The following C8orf34 variants were observed in gnomAD, a reference collection of about 807,000 sequenced individuals.
The protein encoded by C8orf34 is chromosome 8 open reading frame 34, also known as uncharacterized protein C8orf34.
In C8orf34, 65 loss-of-function variants were observed where a neutral mutation model predicts 68.3. The ratio of observed to expected loss-of-function variants is 0.95; its 90% CI spans 0.78 to 1.17. C8orf34 has a LOEUF of 1.17. C8orf34 is among the 50% of genes most tolerant of loss of function. The pLI, the probability that C8orf34 is intolerant of heterozygous loss-of-function variation, is 0.00. For synonymous variants in C8orf34, 244 were observed against 241.2 expected (o/e 1.01, Z -0.11); for missense variants, 664 against 655.4 (o/e 1.01, Z -0.14).
At chr8:68,717,255 T>C (rs1419824446) in intron 9 of C8orf34, among the ~76,000 whole-genome samples, 1 of 152,062 alleles carries the variant, frequency 6.6e-6, no homozygotes, top group Non-Finnish European at 1.5e-5. Context: ...TAGGAAAACA[T>C]AAGTGACAAA....
At chr8:68,766,429 G>T (rs1018070929) in intron 10 of C8orf34, among the ~76,000 whole-genome samples, 1 of 152,046 alleles carries the variant, frequency 6.6e-6, no homozygotes, top group Non-Finnish European at 1.5e-5. Flanking sequence ...GAAATCTATT[G>T]ATTTTTTTAA....
At chr8:68,587,886 G>T (rs1305465146) in intron 7 of C8orf34, among the ~76,000 whole-genome samples, 2 of 152,080 alleles carry the variant, frequency 1.3e-5, no homozygotes, top group African/African-American at 4.8e-5. Flanking sequence ...TGTGAATGCA[G>T]ATGTGAATGC....
chr8:68,423,841 C>T (rs1045251720), intron 1 of C8orf34, among the ~76,000 whole-genome samples: 3 of 152,138 alleles, frequency 2.0e-5, no homozygotes, highest in African/African-American at 7.2e-5. Flanking sequence ...GGAATCTCTT[C>T]ACAGGGCAGC....
intron 8 of C8orf34, among the ~76,000 whole-genome samples, chr8:68,661,165 C>A (rs1418040675): frequency 6.6e-6 from 1 of 152,196 alleles, no homozygotes; most frequent in Non-Finnish European, 1.5e-5. Flanking sequence ...TGCATTCCCA[C>A]CCAGCGTGGT....
At chr8:68,561,653 G>A (rs971823313) in intron 7 of C8orf34, among the ~76,000 whole-genome samples, 1 of 152,132 alleles carries the variant, frequency 6.6e-6, no homozygotes, top group Admixed American at 6.5e-5. Context: ...AGCTACTTGG[G>A]AGGCTGAGGC....
chr8:68,769,626 C>T (rs899869298), intron 10 of C8orf34, among the ~76,000 whole-genome samples: 3 of 152,128 alleles, frequency 2.0e-5, no homozygotes, highest in Non-Finnish European at 4.4e-5. Context: ...TATCTATTCA[C>T]CAGTTTTAAA....
chr8:68,707,251 C>T (rs1821192928), intron 8 of C8orf34, among the ~76,000 whole-genome samples: 1 of 152,040 alleles, frequency 6.6e-6, no homozygotes, highest in African/African-American at 2.4e-5. Flanking sequence ...GAATTGGTGC[C>T]AAGTCACAGT....
At chr8:68,636,705 A>G (rs987287327) in intron 7 of C8orf34, among the ~76,000 whole-genome samples, 3 of 152,174 alleles carry the variant, frequency 2.0e-5, no homozygotes, top group African/African-American at 7.2e-5. Flanking sequence ...TCACTACTTG[A>G]TGATTGTTCT....
At chr8:68,633,257 T>C (rs573221105) in intron 7 of C8orf34, among the ~76,000 whole-genome samples, 45 of 152,296 alleles carry the variant, frequency 3.0e-4, no homozygotes, top group African/African-American at 1.1e-3. Context: ...CTTAGTTTTC[T>C]AGCCTCTCCA....
chr8:68,617,559 G>A (rs1818262362), intron 7 of C8orf34, among the ~76,000 whole-genome samples: 1 of 152,120 alleles, frequency 6.6e-6, no homozygotes, highest in Admixed American at 6.6e-5. Flanking sequence ...AGTTTGGCTG[G>A]ATATGAAATT....
intron 1 of C8orf34, among the ~76,000 whole-genome samples, chr8:68,418,784 A>G (rs1809799095): frequency 1.3e-5 from 2 of 152,160 alleles, no homozygotes; most frequent in Admixed American, 1.3e-4. Flanking sequence ...CCATATGTAG[A>G]AAGTTGAAAC....
chr8:68,779,517 G>A (rs1475370885), intron 11 of C8orf34, among the ~76,000 whole-genome samples: 4 of 152,092 alleles, frequency 2.6e-5, no homozygotes, highest in Admixed American at 2.0e-4. Context: ...TTAAAAGCAC[G>A]AGACAGGTCT....
rs1810935794 is a variant in C8orf34 at position 68,442,165 on chromosome 8, A to G, written c.475+2519A>G. Reference sequence around the variant, plus strand: ...AATTTTGTCTATTTATTATGTGGTGAGGATATTTGCCAAGACAAGTGGTTG... The same window carrying G: ...AATTTTGTCTATTTATTATGTGGTGGGGATATTTGCCAAGACAAGTGGTTG... On this transcript the variant is annotated intron_variant, in intron 2 of 13. Transcript: ENST00000518698. Among the ~76,000 whole-genome samples the G allele has an allele frequency of 2.0e-5, 3 of 152,222 alleles. No homozygotes were observed. The South Asian group carries it at 6.2e-4, about 32-fold the overall frequency.
chr8:68,554,075 A>G (rs184926293), intron 7 of C8orf34, among the ~76,000 whole-genome samples: 1 of 152,172 alleles, frequency 6.6e-6, no homozygotes, highest in Admixed American at 6.5e-5. Flanking sequence ...GCAAATTGAA[A>G]AAAATCCAAT....
intron 1 of C8orf34, among the ~76,000 whole-genome samples, chr8:68,369,736 G>C (rs369679503): frequency 4.6e-5 from 7 of 152,322 alleles, no homozygotes; most frequent in Admixed American, 3.3e-4. Flanking sequence ...CTAGTCATCT[G>C]GAGAAGCAGA....
Position 68,514,706 on chromosome 8 carries a change from T to C in C8orf34, c.766-7093T>C, listed in dbSNP as rs533843478. 5.3e-5 allele frequency among the ~76,000 whole-genome samples: 8 copies of C among 152,350 alleles called. 1 individual carries two copies. The highest frequency in any genetic ancestry group is 3.9e-4 in the Admixed American group (6 of 15,296). ...TATTAAGATAGCGTATAATTTGCTT[T>C]TCTAGCCTATAGGACATGGCTACCT... is the stretch of plus-strand genomic sequence containing the variant. On this transcript the variant is annotated intron_variant, in intron 5 of 13. Transcript: ENST00000518698.
At chr8:68,597,609 C>T (rs909220379) in intron 7 of C8orf34, among the ~76,000 whole-genome samples, 4 of 150,858 alleles carry the variant, frequency 2.7e-5, no homozygotes, top group Admixed American at 6.6e-5. Flanking sequence ...TGTGCACGGA[C>T]GAAGGAAATT....
chr8:68,563,703 C>T (rs1345825633), intron 7 of C8orf34, among the ~76,000 whole-genome samples: 1 of 151,174 alleles, frequency 6.6e-6, no homozygotes, highest in African/African-American at 2.4e-5. Context: ...GTTTGTCCCT[C>T]ATGTTGTATT....
At chr8:68,591,570 T>C (rs1016524332) in intron 7 of C8orf34, among the ~76,000 whole-genome samples, 2 of 152,176 alleles carry the variant, frequency 1.3e-5, no homozygotes, top group Non-Finnish European at 2.9e-5. Flanking sequence ...CAGGCTAATG[T>C]AACATACTTT....
Sources: allele counts gnomAD v4.1 joint callset (sites outside exome capture counted in the v4.1 genomes callset), GRCh38; gene constraint gnomAD v4.1.1; transcripts MANE v1.5; gene names NCBI Gene and HGNC (gene_info 2026-07-23, HGNC 2026-07-21).